MAP3K20: variants seen among roughly 807,000 people sequenced by gnomAD.
MAP3K20 encodes mitogen-activated protein kinase kinase kinase 20, also known as HCCS-4.
A neutral mutation model predicts 85.7 loss-of-function variants in MAP3K20; 40 were observed. The ratio of observed to expected loss-of-function variants is 0.47; its 90% CI spans 0.36 to 0.61. MAP3K20 has a LOEUF of 0.61. Ranked by LOEUF, MAP3K20 falls within the 20% of genes least tolerant of loss-of-function variation. The pLI is 0.00. For synonymous variants in MAP3K20, 325 were observed against 327.7 expected (o/e 0.99, Z 0.09); for missense variants, 817 against 961.7 (o/e 0.85, Z 1.99).
intron 3 of MAP3K20, among the ~76,000 whole-genome samples, chr2:173,171,683 C>T (rs2106252319): frequency 6.6e-6 from 1 of 152,286 alleles, no homozygotes; most frequent in South Asian, 2.1e-4. Context: ...TTTCATTCAT[C>T]CCTTTAGCAT....
intron 2 of MAP3K20, among the ~76,000 whole-genome samples, chr2:173,154,608 T>G (rs1038394341): frequency 6.6e-6 from 1 of 152,246 alleles, no homozygotes; most frequent in South Asian, 2.1e-4. Flanking sequence ...TAATAGGTAC[T>G]TTTATTTTTC....
chr2:173,163,114 A>G (rs1471117917), intron 2 of MAP3K20, among the ~76,000 whole-genome samples: 1 of 152,252 alleles, frequency 6.6e-6, no homozygotes, highest in South Asian at 2.1e-4. Context: ...GGAATACAAA[A>G]GGTGTAAAAC....
chr2:173,266,440 G>C lies in MAP3K20; in HGVS notation c.2093G>C (p.Gly698Ala). The C allele has an allele frequency of 1.2e-6, 2 of 1,614,124 alleles. No homozygotes were observed. Among genetic ancestry groups the C allele is most frequent in the Non-Finnish European group, 1.7e-6 (2 of 1,180,020 alleles). Residue 698 changes from glycine (G) to alanine (A), a missense_variant, in exon 20 of 20, where the codon GGA becomes GCA. By Grantham distance (60) the Gly-to-Ala change is moderately conservative. Transcript: ENST00000375213. ...TCTTCTCCTAGAGGAAGATACAGTGGAAAGAGTCAGCATTCCACTCCTTCA... is the reference window on the plus strand; with the variant it reads ...TCTTCTCCTAGAGGAAGATACAGTGCAAAGAGTCAGCATTCCACTCCTTCA... ...LNSSPRGRYS[G>A]KSQHSTPSRG... is the part of the protein sequence containing the mutation.
At chr2:173,232,622 G>A (rs1315895145) in intron 14 of MAP3K20, among the ~76,000 whole-genome samples, 163 bp downstream of exon 14, 1 of 152,180 alleles carries the variant, frequency 6.6e-6, no homozygotes, top group African/African-American at 2.4e-5. Context: ...TCCTGCCTCA[G>A]CCTCCCAAGT....
chr2:173,166,424 A>G (rs1434502783), intron 2 of MAP3K20: 2 of 152,208 alleles, frequency 1.3e-5, no homozygotes, highest in Non-Finnish European at 2.9e-5. Context: ...GACTCCCTAG[A>G]AAAGCATTTT....
rs562554105 is a variant in MAP3K20, at chr2:173,159,564, A to AT, written c.160-10235dup. Among the ~76,000 whole-genome samples, 78 of 151,970 alleles carry AT rather than the reference A, an allele frequency of 5.1e-4. 1 individual carries two copies. In the South Asian group the frequency reaches 8.5e-3, roughly 17 times the overall value. ...GCCACTACGCCTGGCTAATTTCTGC[A>AT]TTTTTTGTAGAGATAGGGTCTCACT... On this transcript the variant is annotated intron_variant, in intron 2 of 19. Transcript: ENST00000375213.
intron 16 of MAP3K20, among the ~76,000 whole-genome samples, chr2:173,250,846 G>A (rs929379617): frequency 1.6e-4 from 24 of 152,140 alleles, no homozygotes; most frequent in African/African-American, 5.6e-4. Flanking sequence ...ATGGGACAAA[G>A]CCATGGTGGG....
intron 16 of MAP3K20, among the ~76,000 whole-genome samples, chr2:173,242,782 C>G (rs1684821683): frequency 6.9e-6 from 1 of 144,854 alleles, no homozygotes; most frequent in Non-Finnish European, 1.5e-5. Flanking sequence ...TCTCGGCTCA[C>G]TGCAACCTCC....
Position 173,187,583 on chromosome 2 carries a change from T to C in MAP3K20, c.375T>C (p.Ala125=). 1 of 1,608,438 alleles carries C rather than the reference T, an allele frequency of 6.2e-7. No homozygotes were observed. The highest frequency in any genetic ancestry group is 8.5e-7 in the Non-Finnish European group (1 of 1,178,188). Residue 125 remains alanine (A), a synonymous_variant, in exon 5 of 20, where the codon GCT becomes GCC. Coordinates refer to ENST00000375213, the MANE Select transcript of MAP3K20 (RefSeq NM_016653.3). ...GAATGCATTATTTACATATGGAGGC[T>C]CCTGTCAAGGTGATTCACAGAGACC... ...AKGMHYLHME[A]PVKVIHRDLK...
At chr2:173,186,560 A>T (rs1690491190) in intron 4 of MAP3K20, among the ~76,000 whole-genome samples, 1 of 151,970 alleles carries the variant, frequency 6.6e-6, no homozygotes, top group Non-Finnish European at 1.5e-5. Flanking sequence ...AGAAGAATAA[A>T]GATTTAAAAA....
chr2:173,140,617 T>G (rs1317820636), intron 2 of MAP3K20, among the ~76,000 whole-genome samples: 3 of 152,250 alleles, frequency 2.0e-5, no homozygotes, highest in African/African-American at 7.2e-5. Flanking sequence ...CCCAAAGTGC[T>G]GGGATTACAG....
chr2:173,261,650 G>C (rs1455530848), intron 18 of MAP3K20, among the ~76,000 whole-genome samples: 1 of 152,098 alleles, frequency 6.6e-6, no homozygotes, highest in African/African-American at 2.4e-5. Context: ...ATTTATTAAG[G>C]ATCTACCATG....
At chr2:173,099,337 T>G (rs1233071472) in intron 2 of MAP3K20, among the ~76,000 whole-genome samples, 1 of 149,514 alleles carries the variant, frequency 6.7e-6, no homozygotes, top group East Asian at 1.9e-4. Flanking sequence ...TTTGTTTTGT[T>G]TTTTTTTTTT....
chr2:173,232,121 A>G (rs1684535991), intron 12 of MAP3K20, 71 bp from the exon 13 acceptor site: 8 of 1,571,312 alleles, frequency 5.1e-6, no homozygotes, highest in East Asian at 4.5e-5. Context: ...TGAAAACTCT[A>G]TGTTTACTGT....
intron 16 of MAP3K20, among the ~76,000 whole-genome samples, chr2:173,250,046 A>G (rs574042969): frequency 1.3e-5 from 2 of 152,366 alleles, no homozygotes; most frequent in East Asian, 3.9e-4. Flanking sequence ...TGTTAAGGGT[A>G]TAACGCATTT....
Position 173,209,677 on chromosome 2 carries a change from A to G in MAP3K20, c.745-52A>G, listed in dbSNP as rs578113091. 20 of 1,484,710 alleles carry G rather than the reference A, an allele frequency of 1.3e-5. 1 individual carries two copies. Among genetic ancestry groups the G allele is most frequent in the Non-Finnish European group, 9.2e-7 (1 of 1,090,692 alleles). The allele number at this position is 1,484,710 out of a possible 1,614,324, so 92.0% of individuals were successfully genotyped here. A position where few individuals can be genotyped will look rare whatever the true frequency, so the allele number is the denominator to read the frequency against. On this transcript the variant is annotated intron_variant, in intron 9 of 19. Transcript: ENST00000375213. Reference sequence around the variant, plus strand: ...TTGTAGTATCTACGTTTTCTCTTAAATATCTCCTTTCTTAAGTCCCAGCGA... The same window carrying G: ...TTGTAGTATCTACGTTTTCTCTTAAGTATCTCCTTTCTTAAGTCCCAGCGA...
Position 173,169,843 on chromosome 2 carries a change from C to T in MAP3K20, c.198C>T (p.Ile66=). The T allele has an allele frequency of 6.2e-7, 1 of 1,613,936 alleles. No individual in the cohort carries two copies. The highest frequency in any genetic ancestry group is 8.5e-7 in the Non-Finnish European group (1 of 1,179,944). ...ILSVLSHRNI[I]QFYGVILEPP... ...GTGTCCTCAGTCACAGAAACATCAT[C>T]CAGTTTTATGGAGTAATTCTTGAAC... The change falls in exon 3 of 20, where the codon ATC becomes ATT. Residue 66 remains isoleucine, a synonymous_variant. Coordinates refer to ENST00000375213, the MANE Select transcript of MAP3K20 (RefSeq NM_016653.3).
chr2:173,081,160 G>A (rs1252534028), intron 1 of MAP3K20, among the ~76,000 whole-genome samples: 1 of 150,736 alleles, frequency 6.6e-6, no homozygotes, highest in Non-Finnish European at 1.5e-5. Flanking sequence ...TGAACAAATC[G>A]ATACAGACAC....
At chr2:173,113,482 T>A (rs779893640) in intron 2 of MAP3K20, among the ~76,000 whole-genome samples, 19 of 152,188 alleles carry the variant, frequency 1.2e-4, no homozygotes, top group Non-Finnish European at 2.2e-4. Flanking sequence ...AGGTGTGACC[T>A]TAGAATGTCA....
Sources: gnomAD v4.1 joint callset for allele counts (sites outside exome capture counted in the v4.1 genomes callset) on GRCh38, gnomAD v4.1.1 for gene constraint, MANE v1.5 for transcripts, NCBI Gene and HGNC (gene_info 2026-07-23, HGNC 2026-07-21) for gene names.